The following INSL6 variants were observed in gnomAD, a reference collection of about 807,000 sequenced individuals.
INSL6 encodes the protein insulin-like peptide INSL6.
A neutral mutation model predicts 9.4 loss-of-function variants in INSL6; 16 were observed. The ratio of observed to expected loss-of-function variants is 1.70; its 90% CI spans 1.15 to 2.59. The LOEUF (loss-of-function observed/expected upper bound fraction) is 2.59. Ranked by LOEUF, INSL6 falls within the 30% of genes most tolerant of loss-of-function variation. The pLI is 0.00. For missense variants in INSL6, 391 were observed against 257.3 expected, an observed-to-expected ratio of 1.52 and a Z score of -3.56; for synonymous variants, 154 against 96.9, an observed-to-expected ratio of 1.59 and a Z score of -3.46.
At chr9:5,126,743 G>A in intron 3 of INSL6, 1 of 1,610,824 alleles carries the variant, frequency 6.2e-7, no homozygotes, top group Non-Finnish European at 8.5e-7. Flanking sequence ...CCTCCTTTAG[G>A]GATCTAGCTC....
At chr9:5,078,944 C>T in the INSL6 span, among the ~76,000 whole-genome samples, 16 of 152,274 alleles carry the variant, frequency 1.1e-4, no homozygotes, top group Non-Finnish European at 1.6e-4. Flanking sequence ...ATACAAATTT[C>T]AGTCAGATAG....
chr9:5,095,902 AC>A, the INSL6 span, among the ~76,000 whole-genome samples: 1 of 152,148 alleles, frequency 6.6e-6, no homozygotes. Context: ...AAGCACTACA[AC>A]CCTGTCACTG....
rs533264615 is a variant in INSL6, at chr9:5,126,321, G to GC, written c.*11-1811_*11-1810insG. ...AAATGTACAAAAAATATTGAAAGTG[G>GC]GTTTGTTTTAGGAATTTATGCGTAT... On this transcript the variant is annotated intron_variant, in intron 3 of 3. Coordinates refer to the INSL6 transcript ENST00000649639. 2.3e-3 allele frequency: 3,590 copies of GC among 1,545,100 alleles called. 7 individuals carry two copies. Among genetic ancestry groups the GC allele is most frequent in the Non-Finnish European group, 2.9e-3 (3,255 of 1,129,694 alleles).
At chr9:5,106,557 C>A in the INSL6 span, among the ~76,000 whole-genome samples, 1 of 152,170 alleles carries the variant, frequency 6.6e-6, no homozygotes. Context: ...TGGGTATACA[C>A]CCAAAGGATT....
chr9:5,061,964 G>C, the INSL6 span, among the ~76,000 whole-genome samples: 1 of 152,166 alleles, frequency 6.6e-6, no homozygotes, highest in East Asian at 1.9e-4. Context: ...GGCCTGAGGA[G>C]AGGGAAAAAG....
At chr9:5,092,374 TG>T in the INSL6 span, among the ~76,000 whole-genome samples, 1 of 152,164 alleles carries the variant, frequency 6.6e-6, no homozygotes, top group African/African-American at 2.4e-5. Context: ...AGTCGTAATA[TG>T]GTAAGTGTAC....
At chr9:5,068,679 G>A in the INSL6 span, among the ~76,000 whole-genome samples, 1 of 152,176 alleles carries the variant, frequency 6.6e-6, no homozygotes, top group Non-Finnish European at 1.5e-5. Context: ...TGGAGATGGA[G>A]GCAGAAACCA....
At chr9:5,032,073 A>C in the INSL6 span, among the ~76,000 whole-genome samples, 1 of 152,222 alleles carries the variant, frequency 6.6e-6, no homozygotes, top group African/African-American at 2.4e-5. Flanking sequence ...ATACTGCGCT[A>C]TTCTAACGGT....
At chr9:5,069,523 G>A in the INSL6 span, among the ~76,000 whole-genome samples, 23 of 151,916 alleles carry the variant, frequency 1.5e-4, no homozygotes, top group Non-Finnish European at 3.2e-4. Flanking sequence ...CATATACTTC[G>A]AGGATTTTAA....
At chr9:5,145,755 G>T (rs753719972) in intron 2 of INSL6, among the ~76,000 whole-genome samples, 1 of 152,052 alleles carries the variant, frequency 6.6e-6, no homozygotes, top group Admixed American at 6.6e-5. Context: ...ATTAATACTT[G>T]GGATTGCATT....
At chr9:5,103,221 CAAAAAAAAAAAAAAAAAAAA>C in the INSL6 span, among the ~76,000 whole-genome samples, 9 of 6,852 alleles carry the variant, frequency 1.3e-3, no homozygotes, top group African/African-American at 2.4e-3. Flanking sequence ...AAAGGGAAAG[CAAAAAAAAAAAAAAAAAAAA>C]AAAAAAAAAA....
chr9:5,136,542 C>T (rs1424003022), intron 2 of INSL6, among the ~76,000 whole-genome samples: 1 of 152,140 alleles, frequency 6.6e-6, no homozygotes, highest in Non-Finnish European at 1.5e-5. Flanking sequence ...TCAATAGATG[C>T]AGAAAAGGCC....
chr9:5,144,531 T>C (rs1247654324), intron 2 of INSL6, among the ~76,000 whole-genome samples: 3 of 152,180 alleles, frequency 2.0e-5, no homozygotes, highest in Non-Finnish European at 2.9e-5. Context: ...TCAGGTCCTG[T>C]ATATCTTTGT....
the INSL6 span, chr9:5,094,623 T>C: frequency 6.6e-6 from 1 of 151,994 alleles, no homozygotes; most frequent in South Asian, 2.2e-4. Context: ...AGCCATATTA[T>C]GATTTATTTC....
downstream of INSL6, among the ~76,000 whole-genome samples, chr9:5,119,243 T>C (rs1012499548): frequency 6.6e-6 from 1 of 152,068 alleles, no homozygotes; most frequent in African/African-American, 2.4e-5. Flanking sequence ...TCACTAAATA[T>C]ATTAATAATA....
chr9:5,151,331 A>AT (rs1824709620), intron 2 of INSL6, among the ~76,000 whole-genome samples: 1 of 152,188 alleles, frequency 6.6e-6, no homozygotes, highest in Admixed American at 6.5e-5. Flanking sequence ...TAGAATAAAT[A>AT]TTTTCCTTTG....
At chr9:5,078,547 T>C in the INSL6 span, 9 of 805,346 alleles carry the variant, frequency 1.1e-5, no homozygotes, top group Admixed American at 2.3e-4. Context: ...AATTTGTATG[T>C]TCCTGATTAA....
chr9:5,041,215 G>C, the INSL6 span: 1 of 1,467,552 alleles, frequency 6.8e-7, no homozygotes, highest in African/African-American at 1.4e-5. Context: ...AGAACTTCCT[G>C]GTGGGGCGCC....
At chr9:5,159,951 G>C (rs1025077867), downstream of INSL6, among the ~76,000 whole-genome samples, 14 of 152,168 alleles carry the variant, frequency 9.2e-5, no homozygotes, top group Non-Finnish European at 2.9e-5. Context: ...AGGGCGGGTG[G>C]ATCACCTGAG....
Sources: gnomAD v4.1 joint callset for allele counts (sites outside exome capture counted in the v4.1 genomes callset) on GRCh38, gnomAD v4.1.1 for gene constraint, MANE v1.5 for transcripts, NCBI Gene and HGNC (gene_info 2026-07-23, HGNC 2026-07-21) for gene names.